Variants in RPRD1A observed in about 807,000 individuals in gnomAD.
RPRD1A encodes regulation of nuclear pre-mRNA domain containing 1A.
In RPRD1A, 9 loss-of-function variants were observed where a neutral mutation model predicts 37.8. The ratio of observed to expected loss-of-function variants is 0.24; its 90% CI spans 0.14 to 0.42. RPRD1A has a LOEUF of 0.42. Ranked by LOEUF, RPRD1A falls within the 10% of genes least tolerant of loss-of-function variation. The probability of loss-of-function intolerance (pLI) is 1.00; values close to 1 mark genes in which losing one functional copy is unlikely to be tolerated. For missense variants in RPRD1A, 255 were observed against 371.0 expected (o/e 0.69, Z 2.57); for synonymous variants, 138 against 139.7 (o/e 0.99, Z 0.08).
chr18:36,015,551 T>C (rs568748761), intron 6 of RPRD1A, among the ~76,000 whole-genome samples: 5 of 152,238 alleles, frequency 3.3e-5, no homozygotes, highest in Non-Finnish European at 5.9e-5. Context: ...TTATTCACAA[T>C]AGCCAAGAGG....
At chr18:35,994,639 T>C (rs1406114873) in intron 6 of RPRD1A, among the ~76,000 whole-genome samples, 3 of 152,136 alleles carry the variant, frequency 2.0e-5, no homozygotes, top group Non-Finnish European at 4.4e-5. Context: ...CTGTGAGTTA[T>C]CCATGGGATT....
chr18:36,038,733 C>G (rs1912372670), intron 1 of RPRD1A, among the ~76,000 whole-genome samples: 1 of 152,168 alleles, frequency 6.6e-6, no homozygotes, highest in African/African-American at 2.4e-5. Flanking sequence ...CATGAAGGAG[C>G]TGCCCAAGGC....
intron 6 of RPRD1A, among the ~76,000 whole-genome samples, chr18:36,011,292 C>CT (rs146057560): frequency 0.015 from 2,284 of 152,224 alleles, 62 homozygotes; most frequent in African/African-American, 0.052. Context: ...AGGACTGAAA[C>CT]TTAGGTAATA....
At chr18:36,022,348 A>G (rs1282885693) in intron 6 of RPRD1A, among the ~76,000 whole-genome samples, 2 of 152,222 alleles carry the variant, frequency 1.3e-5, no homozygotes, top group African/African-American at 4.8e-5. Context: ...CGGTGGCTAC[A>G]CTAAACAACA....
chr18:36,051,295 C>A (rs1385367289), intron 1 of RPRD1A, among the ~76,000 whole-genome samples: 3 of 152,250 alleles, frequency 2.0e-5, no homozygotes, highest in Middle Eastern at 3.4e-3. Context: ...ACCCATATAA[C>A]CCCCTAAAAG....
chr18:36,008,036 G>GT (rs148344201), intron 6 of RPRD1A, among the ~76,000 whole-genome samples: 3,864 of 152,160 alleles, frequency 0.025, 183 homozygotes, highest in African/African-American at 0.088. Flanking sequence ...TGTCCAAAGA[G>GT]TTTGAGACCA....
chr18:36,065,806 TG>T (rs2089018177), intron 1 of RPRD1A, among the ~76,000 whole-genome samples: 1 of 152,180 alleles, frequency 6.6e-6, no homozygotes, highest in African/African-American at 2.4e-5. Context: ...TTTCCTGATT[TG>T]TAAGATTAAG....
intron 1 of RPRD1A, among the ~76,000 whole-genome samples, chr18:36,063,287 ACCC>A (rs1169562729): frequency 6.6e-6 from 1 of 151,932 alleles, no homozygotes; most frequent in Non-Finnish European, 1.5e-5. Context: ...GGCTCAAGTG[ACCC>A]CCCAACCTCA....
intron 4 of RPRD1A, among the ~76,000 whole-genome samples, chr18:36,029,732 CTT>C (rs1247711656): frequency 1.3e-5 from 2 of 151,304 alleles, no homozygotes; most frequent in African/African-American, 2.4e-5. Flanking sequence ...ATAATTCTAA[CTT>C]ATTTTTCCAC....
intron 6 of RPRD1A, chr18:36,025,455 C>T: frequency 2.7e-6 from 1 of 364,892 alleles, no homozygotes; most frequent in East Asian, 7.8e-5. Context: ...GGCATCTGAT[C>T]TATTTTCTAC....
intron 4 of RPRD1A, among the ~76,000 whole-genome samples, chr18:36,029,656 A>C (rs1230540417): frequency 1.3e-5 from 2 of 151,932 alleles, no homozygotes; most frequent in Non-Finnish European, 2.9e-5. Flanking sequence ...TCTTTCTGGA[A>C]TTAATCTGAT....
intron 1 of RPRD1A, among the ~76,000 whole-genome samples, chr18:36,037,093 T>A (rs1912242894): frequency 6.6e-6 from 1 of 152,220 alleles, no homozygotes; most frequent in African/African-American, 2.4e-5. Context: ...TGGCAGATGA[T>A]AGGTCACATC....
In RPRD1A at chr18:36,048,842, C is replaced by G. The variant is rs570554184; in HGVS notation, c.152-15005G>C. On this transcript the variant is annotated intron_variant, in intron 1 of 6. Transcript: ENST00000399022. ...TTATAAATGAAGAAATAAAACTGTCCTTATTTGCAGATGACATGATTATCT... is the reference window on the plus strand; with the variant it reads ...TTATAAATGAAGAAATAAAACTGTCGTTATTTGCAGATGACATGATTATCT... Among the ~76,000 whole-genome samples, 4 of 152,196 alleles carry G rather than the reference C, an allele frequency of 2.6e-5. No individual in the cohort carries two copies. In the East Asian group the frequency reaches 7.7e-4, roughly 29 times the overall value.
rs1039436262 is a variant in RPRD1A, at chr18:35,992,661, G to GT, written c.*489dup. 1 of 152,470 alleles carries GT rather than the reference G, an allele frequency of 6.6e-6. No homozygotes were observed. Among genetic ancestry groups the GT allele is most frequent in the Non-Finnish European group, 1.5e-5 (1 of 68,060 alleles). The allele number at this position is 152,470 out of a possible 1,614,324, so 9.4% of individuals were successfully genotyped here. On this transcript the variant is annotated 3_prime_UTR_variant, in exon 7 of 7. Transcript: ENST00000399022. Reference sequence around the variant, plus strand: ...TGTAGAGACACAGAATTGATATTTTGTTTGGGGAGAAGGGTAAAGATTATG... The same window carrying GT: ...TGTAGAGACACAGAATTGATATTTTGTTTTGGGGAGAAGGGTAAAGATTATG...
intron 6 of RPRD1A, among the ~76,000 whole-genome samples, chr18:36,020,143 AG>A (rs1220765048): frequency 6.6e-6 from 1 of 152,180 alleles, no homozygotes; most frequent in Non-Finnish European, 1.5e-5. Flanking sequence ...ATTCATCCTG[AG>A]GAATTCTGGA....
chr18:36,061,048 A>T (rs748642669), intron 1 of RPRD1A, among the ~76,000 whole-genome samples: 4 of 152,026 alleles, frequency 2.6e-5, no homozygotes, highest in Non-Finnish European at 5.9e-5. Context: ...ATCCAAAGCT[A>T]TGTATCACCT....
At chr18:36,061,476 A>C (rs763388283) in intron 1 of RPRD1A, among the ~76,000 whole-genome samples, 1 of 152,196 alleles carries the variant, frequency 6.6e-6, no homozygotes, top group African/African-American at 2.4e-5. Context: ...CCTCCTATCT[A>C]TCTTGTTTTG....
At chr18:35,998,013 T>C (rs17739402) in intron 6 of RPRD1A, among the ~76,000 whole-genome samples, 17,655 of 152,280 alleles carry the variant, frequency 0.12, 1,265 homozygotes, top group East Asian at 0.25. Context: ...ATAATATCCA[T>C]GCAATCACAG....
chr18:36,058,200 A>G, intron 1 of RPRD1A, among the ~76,000 whole-genome samples: 1 of 151,728 alleles, frequency 6.6e-6, no homozygotes, highest in Non-Finnish European at 1.5e-5. Flanking sequence ...GCACCACCAC[A>G]CCCTGTTAAT....
Sources: allele counts gnomAD v4.1 joint callset (sites outside exome capture counted in the v4.1 genomes callset), GRCh38; gene constraint gnomAD v4.1.1; transcripts MANE v1.5; gene names NCBI Gene and HGNC (gene_info 2026-07-23, HGNC 2026-07-21).